The following ABCC9 variants were observed in gnomAD, a reference collection of about 807,000 sequenced individuals.
ABCC9 encodes ATP-binding cassette sub-family C member 9.
In ABCC9, 95 loss-of-function variants were observed where a neutral mutation model predicts 188.3. The ratio of observed to expected loss-of-function variants is 0.50; its 90% CI spans 0.43 to 0.60. ABCC9 has a LOEUF of 0.60. Ranked by LOEUF, ABCC9 falls within the 20% of genes least tolerant of loss-of-function variation. ABCC9 has a pLI of 0.00. For missense variants in ABCC9, 1,102 were observed against 1,876.3 expected (o/e 0.59, Z 7.62); for synonymous variants, 659 against 652.7 (o/e 1.01, Z -0.15).
chr12:21,913,083 GAAAA>G lies in ABCC9; in HGVS notation c.817-21_817-18del. ...AACTTTTTTCTGAAGAAAAAAAAAA[GAAAA>G]AAAAAACAGATGTAACAAAATAAAA... On this transcript the variant is annotated intron_variant, in intron 7 of 39. Transcript: ENST00000261200. 3.0e-6 allele frequency: 4 copies of G among 1,328,138 alleles called. No individual in the cohort carries two copies. The highest frequency in any genetic ancestry group is 1.4e-5 in the South Asian group (1 of 69,484). 82.3% of individuals were successfully genotyped at this position (1,328,138 alleles called of 1,614,324 possible).
intron 4 of ABCC9, among the ~76,000 whole-genome samples, chr12:21,930,103 G>A (rs1400510669): frequency 6.6e-6 from 1 of 151,460 alleles, no homozygotes; most frequent in Non-Finnish European, 1.5e-5. Context: ...CTTTGCAATA[G>A]TTTGCTGAGA....
At chr12:21,851,387 A>G (rs1022831369) in intron 24 of ABCC9, among the ~76,000 whole-genome samples, 8 of 152,284 alleles carry the variant, frequency 5.3e-5, no homozygotes, top group South Asian at 4.1e-4. Context: ...TTGTGTTTAA[A>G]TCCCATTGGT....
At chr12:21,884,688 A>AT (rs1413297548) in intron 15 of ABCC9, among the ~76,000 whole-genome samples, 67 of 152,366 alleles carry the variant, frequency 4.4e-4, no homozygotes, top group African/African-American at 1.6e-3. Flanking sequence ...GCTACATGCA[A>AT]ATAAATACAC....
chr12:21,873,279 C>A (rs1355191101), intron 17 of ABCC9, among the ~76,000 whole-genome samples: 1 of 151,988 alleles, frequency 6.6e-6, no homozygotes, highest in Non-Finnish European at 1.5e-5. Flanking sequence ...ATATTTTATT[C>A]TTTTTGATGC....
rs1229669696 is a variant in ABCC9, at chr12:21,915,688, C to T, written c.796G>A (p.Asp266Asn). Residue 266 changes from aspartate (D) to asparagine (N), a missense_variant, in exon 7 of 40, where the codon GAT becomes AAT. Physicochemically the swap from Asp to Asn is conservative, Grantham distance 23 (BLOSUM62 1). Coordinates refer to ENST00000261200, the MANE Select transcript of ABCC9 (RefSeq NM_020297.4). ...ATCACCTTTTGTTCTTCATATGCAT[C>T]TTTCAGGCAAACATAATTTGTTACT... is the stretch of plus-strand genomic sequence containing the variant. ...RAVTNYVCLK[D>N]AYEEQKKKVA... The T allele has an allele frequency of 1.2e-6, 2 of 1,611,644 alleles. No individual in the cohort carries two copies. Among genetic ancestry groups the T allele is most frequent in the East Asian group, 2.2e-5 (1 of 44,744 alleles).
intron 12 of ABCC9, among the ~76,000 whole-genome samples, chr12:21,904,261 T>C (rs1313538626): frequency 6.6e-6 from 1 of 152,182 alleles, no homozygotes; most frequent in African/African-American, 2.4e-5. Context: ...TCTTTACACC[T>C]TATACAAAAA....
chr12:21,852,525 G>A lies in ABCC9; in HGVS notation c.2506-20C>T, dbSNP rs1400448853. ...ATCATCCTGCAATCAGTAAAATGGAGGAAAGATGGACGTTTTCTATACTTG... is the reference window on the plus strand; with the variant it reads ...ATCATCCTGCAATCAGTAAAATGGAAGAAAGATGGACGTTTTCTATACTTG... On this transcript the variant is annotated intron_variant, in intron 22 of 39. Transcript: ENST00000261200. 1.2e-6 allele frequency: 2 copies of A among 1,606,536 alleles called. No individual in the cohort carries two copies. Among genetic ancestry groups the A allele is most frequent in the Admixed American group, 1.7e-5 (1 of 59,990 alleles).
intron 7 of ABCC9, among the ~76,000 whole-genome samples, chr12:21,915,259 G>A (rs1289616100): frequency 2.8e-3 from 312 of 110,938 alleles, no homozygotes; most frequent in Non-Finnish European, 4.3e-3. Context: ...GTGTGTGTGT[G>A]TGTATATAAT....
chr12:21,830,040 C>T (rs1943667216), intron 30 of ABCC9, among the ~76,000 whole-genome samples: 1 of 152,104 alleles, frequency 6.6e-6, no homozygotes, highest in African/African-American at 2.4e-5. Context: ...GGAATTTGGT[C>T]TGTGTACTTT....
Position 21,894,122 on chromosome 12 carries a change from G to A in ABCC9, c.1712C>T (p.Ala571Val). Residue 571 changes from alanine (A) to valine (V), a missense_variant, in exon 14 of 40, where the codon GCC becomes GTC. Physicochemically the swap from Ala to Val is moderately conservative, Grantham distance 64. Transcript: ENST00000261200. ...ATGGAAGAGAGACAGTGAAGCAAAG[G>A]CCTCTGCAGGTTTCAGATTGTTTCC... ...ASGNNLKPAEAFASLSLFHIL... is the reference protein window; with the variant it reads ...ASGNNLKPAEVFASLSLFHIL... 1 of 1,614,050 alleles carries A rather than the reference G, an allele frequency of 6.2e-7. No homozygotes were observed.
intron 12 of ABCC9, among the ~76,000 whole-genome samples, chr12:21,900,189 A>G (rs1421404297): frequency 6.6e-6 from 1 of 152,210 alleles, no homozygotes; most frequent in Non-Finnish European, 1.5e-5. Context: ...GCTGATACCC[A>G]GGCAAACAGG....
intron 11 of ABCC9, among the ~76,000 whole-genome samples, chr12:21,907,846 G>A (rs1272910513): frequency 6.6e-6 from 1 of 151,946 alleles, no homozygotes; most frequent in East Asian, 1.9e-4. Context: ...TTAAAACATG[G>A]GGAACGGTGA....
chr12:21,838,285 T>A, intron 29 of ABCC9, 115 bp from the exon 30 acceptor site: 1 of 831,124 alleles, frequency 1.2e-6, no homozygotes, highest in African/African-American at 1.7e-5. Flanking sequence ...TCATTGAAAT[T>A]TTTTCCCCTA....
chr12:21,863,967 A>G (rs1945656731), intron 19 of ABCC9, among the ~76,000 whole-genome samples: 1 of 152,068 alleles, frequency 6.6e-6, no homozygotes, highest in Non-Finnish European at 1.5e-5. Flanking sequence ...TGCAGAGTAA[A>G]ACAATGGTTC....
rs1040807812 is a variant in ABCC9 at position 21,815,735 on chromosome 12, C to T, written c.4023+28G>A. 6 of 1,609,950 alleles carry T rather than the reference C, an allele frequency of 3.7e-6. No individual in the cohort carries two copies. In the African/African-American group the frequency reaches 8.0e-5, roughly 22 times the overall value. On this transcript the variant is annotated intron_variant, in intron 34 of 39. Transcript: ENST00000261200. The stretch of plus-strand genomic sequence containing the variant: ...GACTCCCTCAGAGGTTTTATGTATA[C>T]AACATATCAAATGCAGTGATTTCAT...
At chr12:21,927,860 A>G (rs1425639721) in intron 4 of ABCC9, among the ~76,000 whole-genome samples, 5 of 152,218 alleles carry the variant, frequency 3.3e-5, no homozygotes, top group South Asian at 2.1e-4. Flanking sequence ...AGAGGAAAAA[A>G]TAGATAACTA....
intron 7 of ABCC9, among the ~76,000 whole-genome samples, 190 bp downstream of exon 7, chr12:21,915,478 A>G (rs71436861): frequency 0.35 from 3,306 of 9,456 alleles, 869 homozygotes; most frequent in Middle Eastern, 0.83. Flanking sequence ...GTGTGTATAT[A>G]TGTGTGTGTG....
chr12:21,940,715 G>A lies in ABCC9; in HGVS notation c.-26C>T, dbSNP rs1027166487. 6.6e-6 allele frequency: 1 copy of A among 152,090 alleles called. No homozygotes were observed. The highest frequency in any genetic ancestry group is 2.4e-5 in the African/African-American group (1 of 41,408). The allele number at this position is 152,090 out of a possible 1,614,324, so 9.4% of individuals were successfully genotyped here. A position where few individuals can be genotyped will look rare whatever the true frequency, so the allele number is the denominator to read the frequency against. On this transcript the variant is annotated 5_prime_UTR_variant, in exon 2 of 40. Coordinates refer to ENST00000261200, the MANE Select transcript of ABCC9 (RefSeq NM_020297.4). ...ATAAAGCAAAAAATAAATACCTTGG[G>A]CAATAGCTTCACGCTGCTTCAAACC...
chr12:21,831,951 T>C (rs1282463766), intron 30 of ABCC9, among the ~76,000 whole-genome samples: 4 of 152,172 alleles, frequency 2.6e-5, no homozygotes, highest in Admixed American at 2.6e-4. Context: ...TGGGATATTG[T>C]TTCAGATCCA....
Sources: allele counts gnomAD v4.1 joint callset (sites outside exome capture counted in the v4.1 genomes callset), GRCh38; gene constraint gnomAD v4.1.1; transcripts MANE v1.5; gene names NCBI Gene and HGNC (gene_info 2026-07-23, HGNC 2026-07-21).